The following TMEM8B variants were observed in gnomAD, a reference collection of about 807,000 sequenced individuals.
The protein encoded by TMEM8B is transmembrane protein 8B.
In TMEM8B, 29 loss-of-function variants were observed where a neutral mutation model predicts 49.3. The observed-to-expected ratio is 0.59, with a 90% CI of 0.44 to 0.80. The LOEUF is 0.80. Ranked by LOEUF, TMEM8B falls within the 30% of genes least tolerant of loss-of-function variation. The probability of loss-of-function intolerance (pLI) is 0.00; values close to 1 mark genes in which losing one functional copy is unlikely to be tolerated. For synonymous variants in TMEM8B, 264 were observed against 272.8 expected, an observed-to-expected ratio of 0.97 and a Z score of 0.32; for missense variants, 575 against 658.5, an observed-to-expected ratio of 0.87 and a Z score of 1.39.
At chr9:35,848,993 A>G (rs1831896017) in intron 10 of TMEM8B, among the ~76,000 whole-genome samples, 1 of 152,154 alleles carries the variant, frequency 6.6e-6, no homozygotes, top group Non-Finnish European at 1.5e-5. Flanking sequence ...ATTTTCTTAA[A>G]TAAGGCAATA....
rs1397378742 is a variant in TMEM8B at position 35,845,988 on chromosome 9, A to G, written c.1649A>G (p.Gln550Arg). ...TGCCCTCCCCAGAGCTCCGTGCGCC[A>G]GGAAAACGTGACGGTGTTTGGATGC... Reference protein sequence around the residue: ...ELQLNASSVRQENVTVFGCLT... With the variant: ...ELQLNASSVRRENVTVFGCLT... Residue 550 changes from glutamine (Q) to arginine (R), a missense_variant, in exon 7 of 13, where the codon CAG becomes CGG. Coordinates refer to ENST00000643932, the MANE Select transcript of TMEM8B (RefSeq NM_001042590.4). The G allele has an allele frequency of 4.3e-6, 7 of 1,614,026 alleles. No individual in the cohort carries two copies. Among genetic ancestry groups the G allele is most frequent in the Non-Finnish European group, 5.9e-6 (7 of 1,179,960 alleles).
intron 6 of TMEM8B, among the ~76,000 whole-genome samples, chr9:35,844,148 AT>A (rs1325384965): frequency 1.3e-5 from 2 of 152,222 alleles, no homozygotes; most frequent in Admixed American, 6.5e-5. Context: ...GGGCATATAC[AT>A]TTTGGTGCCA....
Position 35,853,566 on chromosome 9 carries a change from A to C in TMEM8B, c.2501A>C (p.Tyr834Ser). ...CCCACGTGGCGCCGCTGGCTTTTCT[A>C]CTTGTGCCCTGGCAGCCTTATTGCA... ...YPPTWRRWLF[Y>S]LCPGSLIAGS... The change falls in exon 13 of 13, where the codon TAC becomes TCC. Residue 834 changes from tyrosine (Y) to serine (S), a missense_variant. Tyr to Ser is a moderately radical substitution (Grantham distance 144). Coordinates refer to ENST00000643932, the MANE Select transcript of TMEM8B (RefSeq NM_001042590.4). This position sits in a 1 kb window ranked among gnomAD's most constrained non-coding sequence, Gnocchi z 4.2. 3 of 1,614,090 alleles carry C rather than the reference A, an allele frequency of 1.9e-6. No homozygotes were observed. Among genetic ancestry groups the C allele is most frequent in the Non-Finnish European group, 2.5e-6 (3 of 1,180,004 alleles).
At position 35,841,119 on chromosome 9, in the gene TMEM8B, C is replaced by A. The variant is rs1830944227; in HGVS notation, c.907-15C>A. 1 of 415,696 alleles carries A rather than the reference C, an allele frequency of 2.4e-6. No homozygotes were observed. Among genetic ancestry groups the A allele is most frequent in the Non-Finnish European group, 4.4e-6 (1 of 226,448 alleles). 25.8% of individuals were successfully genotyped at this position (415,696 alleles called of 1,614,324 possible). A position where few individuals can be genotyped will look rare whatever the true frequency, so the allele number is the denominator to read the frequency against. The stretch of plus-strand genomic sequence containing the variant: ...GCTGTCTCTCCCTCTCCTGCCACCC[C>A]TGCTTTTGTCCCAGGGTCTCCAGGA... On this transcript the variant is annotated splice_polypyrimidine_tract_variant and intron_variant, in intron 3 of 12. Transcript: ENST00000643932. The surrounding 1 kb of genome is among the most constrained non-coding windows in gnomAD (Gnocchi z 5.9).
In TMEM8B at chr9:35,853,168, C is replaced by T. The variant is rs769063206; in HGVS notation, c.2350C>T (p.Leu784=). The change falls in exon 12 of 13, where the codon CTG becomes TTG. Residue 784 remains leucine (L), a synonymous_variant. Coordinates refer to ENST00000643932, the MANE Select transcript of TMEM8B (RefSeq NM_001042590.4). This position sits in a 1 kb window ranked among gnomAD's most constrained non-coding sequence, Gnocchi z 4.2. ...QVLYLLGAML[L]SMALQLDRHG... ...GCTGTATTTGCTGGGAGCTATGCTG[C>T]TGTCCATGGCTCTGCAGCTTGACCG... The T allele has an allele frequency of 1.2e-6, 2 of 1,614,110 alleles. No individual in the cohort carries two copies. Among genetic ancestry groups the T allele is most frequent in the South Asian group, 2.2e-5 (2 of 91,086 alleles).
Position 35,865,325 on chromosome 9 carries a change from G to A in TMEM8B, c.*11485G>A, listed in dbSNP as rs1383843198. 4 of 152,178 alleles carry A rather than the reference G, an allele frequency of 2.6e-5. No homozygotes were observed. Among genetic ancestry groups the A allele is most frequent in the Admixed American group, 6.5e-5 (1 of 15,286 alleles). 9.4% of individuals were successfully genotyped at this position (152,178 alleles called of 1,614,324 possible). A position where few individuals can be genotyped will look rare whatever the true frequency, so the allele number is the denominator to read the frequency against. On this transcript the variant is annotated 3_prime_UTR_variant, in exon 13 of 13. Coordinates refer to ENST00000643932, the MANE Select transcript of TMEM8B (RefSeq NM_001042590.4). ...ATTGCTTTGTAAGGTGGGAGACACC[G>A]AGTACAGGCGAGGGACTTTATTAGG... is the stretch of plus-strand genomic sequence containing the variant.
At chr9:35,838,585 C>A (rs1157154203) in intron 3 of TMEM8B, among the ~76,000 whole-genome samples, 1 of 152,134 alleles carries the variant, frequency 6.6e-6, no homozygotes, top group Non-Finnish European at 1.5e-5. Context: ...TTCTTTGAAT[C>A]TCAGACTATA....
In TMEM8B at chr9:35,846,541, C is replaced by T. The variant is rs16932715; in HGVS notation, c.1926C>T (p.Cys642=). The change falls in exon 9 of 13, where the codon TGC becomes TGT. Residue 642 remains cysteine, a synonymous_variant. Transcript: ENST00000643932. ...TCCTGTCCCCATGCGTGGACGACTG[C>T]GGGCCCTACGGCCAGTGCAAGCTGC... is the stretch of plus-strand genomic sequence containing the variant. ...RTFLSPCVDD[C]GPYGQCKLLR... is the part of the protein sequence containing the mutation. The T allele has an allele frequency of 9.1e-4, 1,429 of 1,578,960 alleles. 9 individuals are homozygous for T. The African/African-American group carries it at 0.017, about 18-fold the overall frequency.
At chr9:35,833,946 A>G (rs1316481979) in intron 1 of TMEM8B, among the ~76,000 whole-genome samples, 1 of 152,028 alleles carries the variant, frequency 6.6e-6, no homozygotes, top group Admixed American at 6.5e-5. Flanking sequence ...AAAATCAACA[A>G]GGAAGTTACA....
intron 6 of TMEM8B, among the ~76,000 whole-genome samples, chr9:35,843,792 T>C (rs968380613): frequency 3.9e-5 from 6 of 152,202 alleles, no homozygotes; most frequent in Non-Finnish European, 4.4e-5. Context: ...AGACGGAGTC[T>C]CACTCTGTTG....
rs1831582292 is a variant in TMEM8B at position 35,846,477 on chromosome 9, G to A, written c.1862G>A (p.Arg621Gln). 6.2e-7 allele frequency: 1 copy of A among 1,600,052 alleles called. No individual in the cohort carries two copies. Among genetic ancestry groups the A allele is most frequent in the Non-Finnish European group, 8.5e-7 (1 of 1,173,396 alleles). The change falls in exon 9 of 13, where the codon CGG (arginine) becomes CAG (glutamine). Residue 621 changes from arginine to glutamine, a missense_variant. Transcript: ENST00000643932. ...SLCGVGPRFVRCRNATAEVRM... is the reference protein window; with the variant it reads ...SLCGVGPRFVQCRNATAEVRM... ...TGCGAGTTTGTGCGCAGGTTCGTGC[G>A]GTGCCGCAACGCGACGGCCGAGGTG...
intron 1 of TMEM8B, among the ~76,000 whole-genome samples, chr9:35,831,983 C>T (rs115369830): frequency 0.028 from 4,225 of 152,144 alleles, 199 homozygotes; most frequent in African/African-American, 0.095. Context: ...TTGGTTGCTT[C>T]GGTTTCATTT....
rs1343326665 is a variant in TMEM8B, at chr9:35,829,850, A to G, written c.403A>G (p.Ile135Val). Reference sequence around the variant, plus strand: ...CAAGTCTCTCCCTCTAGTCCCCCCTATCTCTCATACTCTGCCCCTCTCCCA... The same window carrying G: ...CAAGTCTCTCCCTCTAGTCCCCCCTGTCTCTCATACTCTGCCCCTCTCCCA... ...LPKSLPLVPP[I>V]SHTLPLSQPR... Residue 135 changes from isoleucine to valine, a missense_variant, in exon 1 of 13, where the codon ATC (isoleucine) becomes GTC (valine). Physicochemically the swap from Ile to Val is conservative, Grantham distance 29. Transcript: ENST00000643932. 1.4e-5 allele frequency: 6 copies of G among 415,782 alleles called. No individual in the cohort carries two copies. Among genetic ancestry groups the G allele is most frequent in the Non-Finnish European group, 2.6e-5 (6 of 226,716 alleles). The allele number at this position is 415,782 out of a possible 1,614,324, so 25.8% of individuals were successfully genotyped here. A position where few individuals can be genotyped will look rare whatever the true frequency, so the allele number is the denominator to read the frequency against.
chr9:35,843,007 T>C (rs546449013), intron 6 of TMEM8B, among the ~76,000 whole-genome samples: 1 of 152,326 alleles, frequency 6.6e-6, no homozygotes, highest in Admixed American at 6.5e-5. Flanking sequence ...GTTGTTAACC[T>C]TTTCTTGCAA....
rs1189758946 is a variant in TMEM8B at position 35,854,727 on chromosome 9, C to T, written c.*887C>T. The stretch of plus-strand genomic sequence containing the variant: ...GATTTAAATCAGTGAGACAGACTTT[C>T]CTTATGATGCCCACACCCAACACAG... On this transcript the variant is annotated 3_prime_UTR_variant, in exon 13 of 13. Transcript: ENST00000643932. 1.3e-5 allele frequency: 2 copies of T among 152,034 alleles called. No individual in the cohort carries two copies. The highest frequency in any genetic ancestry group is 6.6e-5 in the Admixed American group (1 of 15,252). The allele number at this position is 152,034 out of a possible 1,614,324, so 9.4% of individuals were successfully genotyped here.
chr9:35,834,069 C>CACACA (rs768278144), intron 1 of TMEM8B, among the ~76,000 whole-genome samples: 81 of 151,020 alleles, frequency 5.4e-4, no homozygotes, highest in African/African-American at 1.8e-3. Flanking sequence ...CACACACACA[C>CACACA]ACCTTCCACA....
rs1831059492 is a variant in TMEM8B, at chr9:35,842,047, C to T, written c.1309+253C>T. Among the ~76,000 whole-genome samples, 1 of 152,152 alleles carries T rather than the reference C, an allele frequency of 6.6e-6. No homozygotes were observed. The highest frequency in any genetic ancestry group is 3.2e-3 in the Middle Eastern group (1 of 316). Reference sequence around the variant, plus strand: ...TTTCTTTGATTTAATCTCTCAGTTTCCTGGGGTAGGCAGGGACATCCAGGA... The same window carrying T: ...TTTCTTTGATTTAATCTCTCAGTTTTCTGGGGTAGGCAGGGACATCCAGGA... On this transcript the variant is annotated intron_variant, in intron 5 of 12. Transcript: ENST00000643932. This position sits in a 1 kb window ranked among gnomAD's most constrained non-coding sequence, Gnocchi z 5.6.
Position 35,860,619 on chromosome 9 carries a change from G to A in TMEM8B, c.*6779G>A, listed in dbSNP as rs1474619002. On this transcript the variant is annotated 3_prime_UTR_variant, in exon 13 of 13. Transcript: ENST00000643932. ...TCAGCCCCATAGGATGTGTAAGCTT[G>A]ATTTCTGGTCATCTCTCCTTAAGGA... The A allele has an allele frequency of 6.6e-6, 1 of 150,838 alleles. No homozygotes were observed. The highest frequency in any genetic ancestry group is 2.0e-4 in the East Asian group (1 of 5,064). 9.3% of individuals were successfully genotyped at this position (150,838 alleles called of 1,614,324 possible).
At chr9:35,846,413 A>G (rs752246490) in intron 8 of TMEM8B, 32 bp downstream of exon 8, 60 of 1,603,050 alleles carry the variant, frequency 3.7e-5, no homozygotes, top group Non-Finnish European at 4.8e-5. Context: ...CAGGGCTGGG[A>G]CCGGGACTTG....
Sources: gnomAD v4.1 joint callset for allele counts (sites outside exome capture counted in the v4.1 genomes callset) on GRCh38, gnomAD v4.1.1 for gene constraint, Gnocchi (gnomAD v3.1) non-coding constraint, MANE v1.5 for transcripts, NCBI Gene and HGNC (gene_info 2026-07-23, HGNC 2026-07-21) for gene names.